The following ANK3 variants were observed in gnomAD, a reference collection of about 807,000 sequenced individuals.
The protein encoded by ANK3 is ankyrin-3.
Under a neutral mutation model 370.9 loss-of-function variants are expected in ANK3, and 57 were observed. The observed-to-expected ratio is 0.15, with a 90% confidence interval of 0.12 to 0.19. The LOEUF is 0.19. Ranked by LOEUF, ANK3 falls within the 10% of genes least tolerant of loss-of-function variation. ANK3 has a pLI of 1.00. For missense variants in ANK3, 4,439 were observed against 5,302.1 expected (o/e 0.84, Z 5.06); for synonymous variants, 1,929 against 1,946.3 (o/e 0.99, Z 0.23).
chr10:60,159,296 T>C (rs1012019762), intron 23 of ANK3, among the ~76,000 whole-genome samples: 2 of 152,044 alleles, frequency 1.3e-5, no homozygotes, highest in African/African-American at 4.8e-5. Flanking sequence ...ATGAAATAGA[T>C]TTCAAGATAA....
chr10:60,440,929 A>G (rs764531200), intron 2 of ANK3, among the ~76,000 whole-genome samples: 1 of 152,228 alleles, frequency 6.6e-6, no homozygotes, highest in African/African-American at 2.4e-5. Context: ...GTAGTTCTTC[A>G]TACGCCAGTT....
intron 2 of ANK3, among the ~76,000 whole-genome samples, chr10:60,499,566 A>G (rs2133139151): frequency 6.6e-6 from 1 of 152,316 alleles, no homozygotes; most frequent in South Asian, 2.1e-4. Flanking sequence ...TGTGAGAGAT[A>G]CGGAAAGAAA....
intron 2 of ANK3, among the ~76,000 whole-genome samples, chr10:60,588,726 G>A (rs61853472): frequency 0.2 from 30,277 of 149,848 alleles, 3,506 homozygotes; most frequent in South Asian, 0.38. Context: ...GGGCAACATA[G>A]TGAGACCTTG....
intron 2 of ANK3, among the ~76,000 whole-genome samples, chr10:60,567,026 C>T (rs2077479396): frequency 6.6e-6 from 1 of 152,230 alleles, no homozygotes. Flanking sequence ...AGGAAAGAAG[C>T]TGTCTTCATA....
At chr10:60,403,410 C>T (rs574561140) in intron 2 of ANK3, among the ~76,000 whole-genome samples, 4 of 152,160 alleles carry the variant, frequency 2.6e-5, no homozygotes, top group Non-Finnish European at 5.9e-5. Context: ...ATACACACCC[C>T]AGACTGATCT....
chr10:60,086,385 G>A (rs2086682641), intron 30 of ANK3, among the ~76,000 whole-genome samples: 1 of 152,084 alleles, frequency 6.6e-6, no homozygotes, highest in African/African-American at 2.4e-5. Flanking sequence ...TTACCTAGAT[G>A]CTCCAGTAGA....
At chr10:60,300,978 A>T (rs2043575347) in intron 1 of ANK3, among the ~76,000 whole-genome samples, 1 of 151,826 alleles carries the variant, frequency 6.6e-6, no homozygotes, top group Non-Finnish European at 1.5e-5. Context: ...TTTACTGCCG[A>T]GGAGAGTTAC....
At chr10:60,446,750 G>A (rs1013530036) in intron 2 of ANK3, among the ~76,000 whole-genome samples, 1 of 152,132 alleles carries the variant, frequency 6.6e-6, no homozygotes, top group East Asian at 1.9e-4. Context: ...CTGTGCGAAA[G>A]AGGCTAGGAT....
intron 29 of ANK3, among the ~76,000 whole-genome samples, chr10:60,087,256 A>G (rs2086956764): frequency 6.6e-6 from 1 of 152,194 alleles, no homozygotes; most frequent in African/African-American, 2.4e-5. Flanking sequence ...AAACCTCCTA[A>G]AGGCAACTCA....
chr10:60,476,190 T>C (rs1054956816), intron 2 of ANK3, among the ~76,000 whole-genome samples: 9 of 152,204 alleles, frequency 5.9e-5, no homozygotes, highest in Non-Finnish European at 1.2e-4. Flanking sequence ...AAGACTTTAA[T>C]GGAGGAAAAG....
At chr10:60,498,980 C>CTTTTA (rs2075728316) in intron 2 of ANK3, among the ~76,000 whole-genome samples, 1 of 152,224 alleles carries the variant, frequency 6.6e-6, no homozygotes, top group African/African-American at 2.4e-5. Flanking sequence ...AGTCCAGTCA[C>CTTTTA]ATTATCTTCT....
At chr10:60,192,159 T>C (rs2096493872) in intron 16 of ANK3, among the ~76,000 whole-genome samples, 1 of 152,134 alleles carries the variant, frequency 6.6e-6, no homozygotes, top group Non-Finnish European at 1.5e-5. Context: ...TCCAAAGTAG[T>C]GGGATTACAG....
chr10:60,174,724 T>C (rs927417630), intron 18 of ANK3, among the ~76,000 whole-genome samples: 1 of 152,174 alleles, frequency 6.6e-6, no homozygotes, highest in Non-Finnish European at 1.5e-5. Flanking sequence ...TAGGTATATA[T>C]AGTTGAGACA....
intron 1 of ANK3, among the ~76,000 whole-genome samples, chr10:60,654,782 T>C (rs1420917357): frequency 6.6e-6 from 1 of 152,186 alleles, no homozygotes; most frequent in Admixed American, 6.5e-5. Context: ...TCAAAACAAT[T>C]ATGAATTTAG....
intron 25 of ANK3, among the ~76,000 whole-genome samples, chr10:60,116,135 AGCAGAAGACTACAG>A (rs2093063114): frequency 1.3e-5 from 2 of 152,166 alleles, no homozygotes. Flanking sequence ...CACCAACCCT[AGCAGAAGACTACAG>A]GCAGGAGACT....
intron 2 of ANK3, among the ~76,000 whole-genome samples, chr10:60,470,689 C>T (rs762624787): frequency 6.6e-6 from 1 of 151,980 alleles, no homozygotes; most frequent in African/African-American, 2.4e-5. Flanking sequence ...TTACTGCAAC[C>T]CTTCCAGAAA....
intron 2 of ANK3, among the ~76,000 whole-genome samples, chr10:60,610,504 A>G (rs868116825): frequency 0.019 from 282 of 14,670 alleles, 1 homozygote; most frequent in Admixed American, 0.035. Context: ...CGAGAGCGGA[A>G]AAAAAAAAAA....
At chr10:60,032,395 A>G (rs2073892884) in intron 43 of ANK3, among the ~76,000 whole-genome samples, 1 of 151,622 alleles carries the variant, frequency 6.6e-6, no homozygotes. Flanking sequence ...TTTAGTAGAG[A>G]TGGAGTTTCA....
intron 30 of ANK3, among the ~76,000 whole-genome samples, chr10:60,085,612 T>A (rs2086476759): frequency 3.2e-5 from 2 of 61,688 alleles, no homozygotes; most frequent in South Asian, 1.0e-3. Context: ...CTCTTACTCT[T>A]TTTTTTTTTT....
Sources: gnomAD v4.1 joint callset for allele counts (sites outside exome capture counted in the v4.1 genomes callset) on GRCh38, gnomAD v4.1.1 for gene constraint, MANE v1.5 for transcripts, NCBI Gene and HGNC (gene_info 2026-07-23, HGNC 2026-07-21) for gene names.